Variants in CLASP2 observed in about 807,000 individuals in gnomAD.
CLASP2 encodes the protein cytoplasmic linker associated protein 2.
In CLASP2, 47 loss-of-function variants were observed where a neutral mutation model predicts 194.4. That is an observed-to-expected ratio of 0.24 (90% CI 0.19 to 0.31). CLASP2 has a LOEUF of 0.31. Ranked by LOEUF, CLASP2 falls within the 10% of genes least tolerant of loss-of-function variation. The pLI is 1.00. For missense variants in CLASP2, 1,445 were observed against 1,823.6 expected (o/e 0.79, Z 3.78); for synonymous variants, 619 against 633.5 (o/e 0.98, Z 0.34).
intron 10 of CLASP2, among the ~76,000 whole-genome samples, chr3:33,624,594 T>C (rs1377738289): frequency 1.3e-5 from 2 of 152,138 alleles, no homozygotes; most frequent in Non-Finnish European, 2.9e-5. Context: ...TGCTTTTTTT[T>C]CTATACATAT....
At chr3:33,694,051 C>T (rs1315858157) in intron 2 of CLASP2, among the ~76,000 whole-genome samples, 1 of 151,704 alleles carries the variant, frequency 6.6e-6, no homozygotes, top group Non-Finnish European at 1.5e-5. Context: ...ATCTGAAGTA[C>T]ATTTTTAGAA....
chr3:33,658,946 C>T (rs2084799376), intron 7 of CLASP2: 34 of 1,523,972 alleles, frequency 2.2e-5, no homozygotes, highest in Non-Finnish European at 3.0e-5. Flanking sequence ...ATAACACAAG[C>T]AAAAGAAGAA....
At chr3:33,668,319 T>A (rs929151098) in intron 6 of CLASP2, among the ~76,000 whole-genome samples, 1 of 152,236 alleles carries the variant, frequency 6.6e-6, no homozygotes, top group Non-Finnish European at 1.5e-5. Context: ...TGATATAAAT[T>A]TAAGAGTGGG....
chr3:33,602,645 A>T (rs905183118), intron 18 of CLASP2: 15 of 719,940 alleles, frequency 2.1e-5, no homozygotes, highest in Middle Eastern at 2.3e-4. Flanking sequence ...ATACAAGCCA[A>T]TTCCCTTCCC....
rs577597590 is a variant in CLASP2 at position 33,580,629 on chromosome 3, T to C, written c.2347+1192A>G. Reference sequence around the variant, plus strand: ...CCATATGTATCTGAGGAAATAAGAATTCCACTGGATAAGTAGAACTAGGTT... The same window carrying C: ...CCATATGTATCTGAGGAAATAAGAACTCCACTGGATAAGTAGAACTAGGTT... On this transcript the variant is annotated intron_variant, in intron 23 of 38. Transcript: ENST00000682230. Among the ~76,000 whole-genome samples the C allele has an allele frequency of 3.9e-5, 6 of 152,140 alleles. No homozygotes were observed. In the South Asian group the frequency reaches 1.2e-3, roughly 32 times the overall value.
rs1371344078 is a variant in CLASP2, at chr3:33,496,928, C to T, written c.*1703G>A. ...GAGACCACCACTGATACAAGACCGT[C>T]TAAAGTTAAAATAAAACTGAGTGAC... is the stretch of plus-strand genomic sequence containing the variant. On this transcript the variant is annotated 3_prime_UTR_variant, in exon 39 of 39. Coordinates refer to ENST00000682230, the MANE Select transcript of CLASP2 (RefSeq NM_001365631.1). 6.6e-6 allele frequency: 1 copy of T among 152,524 alleles called. No individual in the cohort carries two copies. The highest frequency in any genetic ancestry group is 2.4e-5 in the African/African-American group (1 of 41,430). The allele number at this position is 152,524 out of a possible 1,614,324, so 9.4% of individuals were successfully genotyped here.
chr3:33,704,310 T>C (rs2092559720), intron 1 of CLASP2, among the ~76,000 whole-genome samples: 1 of 152,146 alleles, frequency 6.6e-6, no homozygotes, highest in African/African-American at 2.4e-5. Flanking sequence ...TGGAGGAGGC[T>C]GTGCATTATG....
At chr3:33,644,997 C>A (rs1171847421) in intron 7 of CLASP2, 94 bp from the exon 8 acceptor site, 1 of 1,309,546 alleles carries the variant, frequency 7.6e-7, no homozygotes, top group Non-Finnish European at 1.1e-6. Context: ...TATATAAAAT[C>A]ATTACTTTGG....
intron 27 of CLASP2, among the ~76,000 whole-genome samples, chr3:33,561,637 T>C (rs1381916646): frequency 6.6e-6 from 1 of 152,190 alleles, no homozygotes; most frequent in Admixed American, 6.5e-5. Flanking sequence ...TTTATGGGTT[T>C]TTTACTTACT....
chr3:33,610,300 A>G (rs2074877993), intron 13 of CLASP2, among the ~76,000 whole-genome samples: 1 of 152,216 alleles, frequency 6.6e-6, no homozygotes. Flanking sequence ...TCCTTTTCAT[A>G]ACATTCAAAG....
At chr3:33,617,997 G>T (rs2076491334) in intron 12 of CLASP2, among the ~76,000 whole-genome samples, 1 of 147,790 alleles carries the variant, frequency 6.8e-6, no homozygotes, top group Non-Finnish European at 1.5e-5. Context: ...TGCCCAGGCT[G>T]GAGTGCAACG....
At chr3:33,577,344 G>T in intron 23 of CLASP2, 3 of 1,168,024 alleles carry the variant, frequency 2.6e-6, no homozygotes, top group South Asian at 1.3e-5. Context: ...CAGGCAAGGA[G>T]AGTTAGTTAA....
At position 33,688,294 on chromosome 3, in the gene CLASP2, A is replaced by G. The variant is rs775781023; in HGVS notation, c.453T>C (p.Leu151=). 1 of 1,581,472 alleles carries G rather than the reference A, an allele frequency of 6.3e-7. No homozygotes were observed. The highest frequency in any genetic ancestry group is 8.6e-7 in the Non-Finnish European group (1 of 1,163,486). The change falls in exon 4 of 39, where the codon CTT becomes CTC. Residue 151 remains leucine, a synonymous_variant. Transcript: ENST00000682230. ...FRSREGVCLC[L]IETLNIFGAQ... is the part of the protein sequence containing the mutation. ...AAACTTACATGTTTAAGGTTTCAAT[A>G]AGACACAGACACACGCCTTCTCGAG...
intron 1 of CLASP2, among the ~76,000 whole-genome samples, chr3:33,711,257 T>TTG (rs1553691195): frequency 1.3e-5 from 2 of 151,324 alleles, no homozygotes; most frequent in African/African-American, 4.9e-5. Context: ...TTTTTTTTTT[T>TTG]TTTTTTGAGA....
intron 33 of CLASP2, among the ~76,000 whole-genome samples, chr3:33,536,883 G>A (rs549576576): frequency 4.3e-4 from 66 of 152,288 alleles, no homozygotes; most frequent in South Asian, 3.1e-3. Context: ...ATTTTGGCTA[G>A]GCAACTAGGG....
intron 37 of CLASP2, chr3:33,502,635 C>A (rs994571003): frequency 1.3e-5 from 2 of 152,160 alleles, no homozygotes; most frequent in Non-Finnish European, 2.9e-5. Context: ...TATTTCAATA[C>A]TCTACAGCAA....
At chr3:33,610,547 A>G (rs1467524585) in intron 13 of CLASP2, among the ~76,000 whole-genome samples, 1 of 152,114 alleles carries the variant, frequency 6.6e-6, no homozygotes, top group Non-Finnish European at 1.5e-5. Context: ...GTCTTCTGTC[A>G]CATTCTTATT....
intron 24 of CLASP2, among the ~76,000 whole-genome samples, chr3:33,573,865 T>C (rs1450644201): frequency 6.6e-6 from 1 of 152,156 alleles, no homozygotes; most frequent in Non-Finnish European, 1.5e-5. Context: ...TTCCTTCCCT[T>C]GTACCCAACC....
chr3:33,497,725 G>A lies in CLASP2; in HGVS notation c.*906C>T, dbSNP rs2045979287. ...TAATTTGTTTATTACGTGAGAAACAGAAGACGGTCAAGGACACACACGCAC... is the reference window on the plus strand; with the variant it reads ...TAATTTGTTTATTACGTGAGAAACAAAAGACGGTCAAGGACACACACGCAC... On this transcript the variant is annotated 3_prime_UTR_variant, in exon 39 of 39. Transcript: ENST00000682230. 1 of 152,580 alleles carries A rather than the reference G, an allele frequency of 6.6e-6. No individual in the cohort carries two copies. Among genetic ancestry groups the A allele is most frequent in the Non-Finnish European group, 1.5e-5 (1 of 68,030 alleles). 9.5% of individuals were successfully genotyped at this position (152,580 alleles called of 1,614,324 possible). A position where few individuals can be genotyped will look rare whatever the true frequency, so the allele number is the denominator to read the frequency against.
Sources: allele counts gnomAD v4.1 joint callset (sites outside exome capture counted in the v4.1 genomes callset), GRCh38; gene constraint gnomAD v4.1.1; transcripts MANE v1.5; gene names NCBI Gene and HGNC (gene_info 2026-07-23, HGNC 2026-07-21).